The following VARS1 variants were observed in gnomAD, a reference collection of about 807,000 sequenced individuals.
VARS1 encodes valine--tRNA ligase.
In VARS1, 92 loss-of-function variants were observed where a neutral mutation model predicts 161.0. The ratio of observed to expected loss-of-function variants is 0.57; its 90% CI spans 0.48 to 0.68. The LOEUF is 0.68. Ranked by LOEUF, VARS1 falls within the 30% of genes least tolerant of loss-of-function variation. The pLI is 0.00. For missense variants in VARS1, 1,338 were observed against 1,695.9 expected, an observed-to-expected ratio of 0.79 and a Z score of 3.71; for synonymous variants, 595 against 682.5, an observed-to-expected ratio of 0.87 and a Z score of 2.00.
Position 31,792,541 on chromosome 6 carries a change from ACT to A in VARS1, c.662-27_662-26del, listed in dbSNP as rs1562313845. ...CCTAGAGAGAGGTGCAGAAATTCAG[ACT>A]CAGCCAGCTGGGGACCCTCTTGGAC... On this transcript the variant is annotated intron_variant, in intron 4 of 29. Coordinates refer to ENST00000375663, the MANE Select transcript of VARS1 (RefSeq NM_006295.3). The A allele has an allele frequency of 1.9e-6, 3 of 1,613,402 alleles. No individual in the cohort carries two copies. The South Asian group carries it at 3.3e-5, about 18-fold the overall frequency.
chr6:31,784,404 G>A lies in VARS1; in HGVS notation c.1566C>T (p.Val522=). Residue 522 remains valine (V), a synonymous_variant, in exon 12 of 30, where the codon GTC becomes GTT. Transcript: ENST00000375663. The surrounding 1 kb of genome is among the most constrained non-coding windows in gnomAD (Gnocchi z 6.1). ...GCCCCTGGCTCCTACCTGAGCCTTG[G>A]ACCTTATAGGCAAAGGACACGAGGA... is the stretch of plus-strand genomic sequence containing the variant. The part of the protein sequence containing the change: ...FGVLVSFAYK[V]QGSDSDEEVV... The A allele has an allele frequency of 6.2e-7, 1 of 1,614,134 alleles. No individual in the cohort carries two copies. The highest frequency in any genetic ancestry group is 8.5e-7 in the Non-Finnish European group (1 of 1,180,048).
At chr6:31,787,229 TAAAC>T (rs1418433027) in intron 8 of VARS1, among the ~76,000 whole-genome samples, 1 of 151,720 alleles carries the variant, frequency 6.6e-6, no homozygotes, top group Admixed American at 6.6e-5. Flanking sequence ...AATAAATAAA[TAAAC>T]AAATAAATAA....
intron 8 of VARS1, among the ~76,000 whole-genome samples, chr6:31,789,080 G>T (rs1209118731): frequency 6.6e-6 from 1 of 151,966 alleles, no homozygotes; most frequent in Admixed American, 6.6e-5. Context: ...TTGTCACCTA[G>T]AATATTACTT....
In VARS1 at chr6:31,782,142, T is replaced by C. The variant is rs1427623903; in HGVS notation, c.2186A>G (p.His729Arg). ...WCISRQLWWG[H>R]RIPAYFVTVS... ...AGTGACAAAGTAGGCTGGGATGCGATGGCCCCACCACAGCTGCCTGGAAAT... is the reference window on the plus strand; with the variant it reads ...AGTGACAAAGTAGGCTGGGATGCGACGGCCCCACCACAGCTGCCTGGAAAT... Residue 729 changes from histidine to arginine, a missense_variant, in exon 18 of 30, where the codon CAT (histidine) becomes CGT (arginine). By Grantham distance (29) the His-to-Arg change is conservative. Transcript: ENST00000375663. The surrounding 1 kb of genome is among the most constrained non-coding windows in gnomAD (Gnocchi z 8.3). 6.2e-7 allele frequency: 1 copy of C among 1,614,006 alleles called. No individual in the cohort carries two copies.
At chr6:31,793,368 T>C (rs576822516) in intron 2 of VARS1, among the ~76,000 whole-genome samples, 1 of 151,404 alleles carries the variant, frequency 6.6e-6, no homozygotes, top group East Asian at 1.9e-4. Flanking sequence ...TAGCCAGGCG[T>C]GGTGGCGGGC....
In VARS1 at chr6:31,781,291, T is replaced by G; in HGVS notation, c.2545-168A>C. Reference sequence around the variant, plus strand: ...TGTGAATCAGAAGCACTCCTTCCTCTGGGAAGATGAAGCCCTGGGCACAGG... The same window carrying G: ...TGTGAATCAGAAGCACTCCTTCCTCGGGGAAGATGAAGCCCTGGGCACAGG... On this transcript the variant is annotated intron_variant, in intron 21 of 29. Transcript: ENST00000375663. The surrounding 1 kb of genome is among the most constrained non-coding windows in gnomAD (Gnocchi z 6.8). 2 of 1,191,006 alleles carry G rather than the reference T, an allele frequency of 1.7e-6. No individual in the cohort carries two copies. Among genetic ancestry groups the G allele is most frequent in the Non-Finnish European group, 2.3e-6 (2 of 855,254 alleles). The allele number at this position is 1,191,006 out of a possible 1,614,324, so 73.8% of individuals were successfully genotyped here.
chr6:31,778,908 G>A lies in VARS1; in HGVS notation c.3726+59C>T. The A allele has an allele frequency of 7.5e-6, 12 of 1,607,372 alleles. No homozygotes were observed. Among genetic ancestry groups the A allele is most frequent in the Non-Finnish European group, 1.0e-5 (12 of 1,175,454 alleles). ...ACACCACTGCACTCGGACCAGCCCA[G>A]ACCAGGGTTTTGATGGAGGAAGGGG... On this transcript the variant is annotated intron_variant, in intron 29 of 29. Transcript: ENST00000375663. The surrounding 1 kb of genome is among the most constrained non-coding windows in gnomAD (Gnocchi z 5.1).
Position 31,778,337 on chromosome 6 carries a change from C to T in VARS1, c.3726+630G>A, listed in dbSNP as rs979436965. On this transcript the variant is annotated intron_variant, in intron 29 of 29. Transcript: ENST00000375663. This position sits in a 1 kb window ranked among gnomAD's most constrained non-coding sequence, Gnocchi z 5.1. Reference sequence around the variant, plus strand: ...GGATGCCTGGTTCTAGGTCAGCCTCCGTCTCCCACCTGTTGTGTGACCCTG... The same window carrying T: ...GGATGCCTGGTTCTAGGTCAGCCTCTGTCTCCCACCTGTTGTGTGACCCTG... Among the ~76,000 whole-genome samples the T allele has an allele frequency of 2.6e-5, 4 of 152,136 alleles. No individual in the cohort carries two copies. The highest frequency in any genetic ancestry group is 6.6e-5 in the Admixed American group (1 of 15,264).
chr6:31,782,523 C>G lies in VARS1; in HGVS notation c.1991+7G>C. The G allele has an allele frequency of 1.2e-6, 2 of 1,613,010 alleles. No homozygotes were observed. Among genetic ancestry groups the G allele is most frequent in the Non-Finnish European group, 1.7e-6 (2 of 1,180,028 alleles). On this transcript the variant is annotated splice_region_variant and intron_variant, in intron 16 of 29. Transcript: ENST00000375663. The surrounding 1 kb of genome is among the most constrained non-coding windows in gnomAD (Gnocchi z 8.3). ...ATCTTCCTCCCGTCCCAGGCCCCCA[C>G]CCTCACTTGCAAAGTGGCACCACCA...
Position 31,778,333 on chromosome 6 carries a change from C to T in VARS1, c.3726+634G>A, listed in dbSNP as rs970024410. Among the ~76,000 whole-genome samples the T allele has an allele frequency of 6.6e-6, 1 of 152,048 alleles. No homozygotes were observed. Among genetic ancestry groups the T allele is most frequent in the Non-Finnish European group, 1.5e-5 (1 of 68,014 alleles). On this transcript the variant is annotated intron_variant, in intron 29 of 29. Transcript: ENST00000375663. The surrounding 1 kb of genome is among the most constrained non-coding windows in gnomAD (Gnocchi z 5.1). ...GATAGGATGCCTGGTTCTAGGTCAG[C>T]CTCCGTCTCCCACCTGTTGTGTGAC...
chr6:31,784,800 C>T lies in VARS1; in HGVS notation c.1348-86G>A, dbSNP rs1813395484. On this transcript the variant is annotated intron_variant, in intron 10 of 29. Transcript: ENST00000375663. The surrounding 1 kb of genome is among the most constrained non-coding windows in gnomAD (Gnocchi z 6.1). ...ACCCAGGGCTCCAGTGAGGCCTTGC[C>T]CATACAGAGTCCCACTGGCCAGCAC... is the stretch of plus-strand genomic sequence containing the variant. 2 of 1,585,842 alleles carry T rather than the reference C, an allele frequency of 1.3e-6. No homozygotes were observed. Among genetic ancestry groups the T allele is most frequent in the African/African-American group, 1.3e-5 (1 of 74,304 alleles).
At position 31,783,108 on chromosome 6, in the gene VARS1, C is replaced by A. The variant is rs781440078; in HGVS notation, c.1750G>T (p.Asp584Tyr). 17 of 1,612,636 alleles carry A rather than the reference C, an allele frequency of 1.1e-5. No homozygotes were observed. Among genetic ancestry groups the A allele is most frequent in the East Asian group, 2.2e-5 (1 of 44,888 alleles). ...GCCCCTTGCCCACCTGTGCCAAAGT[C>A]CATGTCCACAAATTCATCGAAGACA... ...PIVFDEFVDM[D>Y]FGTGAVKITP... The change falls in exon 14 of 30, where the codon GAC (aspartate) becomes TAC (tyrosine). Residue 584 changes from aspartate to tyrosine, a missense_variant. Coordinates refer to ENST00000375663, the MANE Select transcript of VARS1 (RefSeq NM_006295.3).
Position 31,784,315 on chromosome 6 carries a change from T to A in VARS1, c.1577-7A>T, listed in dbSNP as rs748658161. 5 of 1,614,104 alleles carry A rather than the reference T, an allele frequency of 3.1e-6. No homozygotes were observed. Reference sequence around the variant, plus strand: ...ACCACCTCCTCGTCGCTATCTGGGGTGACAGAAGGCCTTGTGGTCTTGGCC... The same window carrying A: ...ACCACCTCCTCGTCGCTATCTGGGGAGACAGAAGGCCTTGTGGTCTTGGCC... On this transcript the variant is annotated splice_region_variant and splice_polypyrimidine_tract_variant and intron_variant, in intron 12 of 29. Coordinates refer to ENST00000375663, the MANE Select transcript of VARS1 (RefSeq NM_006295.3). This position sits in a 1 kb window ranked among gnomAD's most constrained non-coding sequence, Gnocchi z 6.1.
In VARS1 at chr6:31,795,083, G is replaced by C; in HGVS notation, c.135C>G (p.Pro45=). The change falls in exon 2 of 30, where the codon CCC becomes CCG. Residue 45 remains proline (P), a synonymous_variant. Coordinates refer to ENST00000375663, the MANE Select transcript of VARS1 (RefSeq NM_006295.3). The surrounding 1 kb of genome is among the most constrained non-coding windows in gnomAD (Gnocchi z 6.9). ...GAHPRICLQP[P]PTSRTPFPPP... is the part of the protein sequence containing the mutation. ...GGGGAAAGGGAGTCCTGCTAGTCGG[G>C]GGTGGCTGGAGACAGATGCGGGGGT... 1 of 1,506,506 alleles carries C rather than the reference G, an allele frequency of 6.6e-7. No individual in the cohort carries two copies. The highest frequency in any genetic ancestry group is 8.9e-7 in the Non-Finnish European group (1 of 1,124,330). 93.3% of individuals were successfully genotyped at this position (1,506,506 alleles called of 1,614,324 possible). A position where few individuals can be genotyped will look rare whatever the true frequency, so the allele number is the denominator to read the frequency against.
chr6:31,785,889 G>A lies in VARS1; in HGVS notation c.1101-156C>T, dbSNP rs976532573. ...GCCTGTAATCCCAGAACTTTGGGAG[G>A]CTGAGGTGGGTGGATCACCTCAGGT... On this transcript the variant is annotated intron_variant, in intron 8 of 29. Coordinates refer to ENST00000375663, the MANE Select transcript of VARS1 (RefSeq NM_006295.3). This position sits in a 1 kb window ranked among gnomAD's most constrained non-coding sequence, Gnocchi z 6.1. Among the ~76,000 whole-genome samples the A allele has an allele frequency of 6.6e-6, 1 of 152,238 alleles. No homozygotes were observed. Among genetic ancestry groups the A allele is most frequent in the Non-Finnish European group, 1.5e-5 (1 of 68,042 alleles).
rs972574643 is a variant in VARS1 at position 31,777,915 on chromosome 6, T to C, written c.3727-253A>G. On this transcript the variant is annotated intron_variant, in intron 29 of 29. Transcript: ENST00000375663. The surrounding 1 kb of genome is among the most constrained non-coding windows in gnomAD (Gnocchi z 5.8). Reference sequence around the variant, plus strand: ...ACAAAGGAACCTCAGAGCCTACGTGTTCCCCATTCAGTGTCCCCACCTAAG... The same window carrying C: ...ACAAAGGAACCTCAGAGCCTACGTGCTCCCCATTCAGTGTCCCCACCTAAG... 61 of 584,064 alleles carry C rather than the reference T, an allele frequency of 1.0e-4. No individual in the cohort carries two copies. Among genetic ancestry groups the C allele is most frequent in the Middle Eastern group, 4.5e-4 (1 of 2,228 alleles). 36.2% of individuals were successfully genotyped at this position (584,064 alleles called of 1,614,324 possible).
Position 31,779,247 on chromosome 6 carries a change from G to T in VARS1, c.3446C>A (p.Ala1149Glu). 6.2e-7 allele frequency: 1 copy of T among 1,605,074 alleles called. No individual in the cohort carries two copies. Among genetic ancestry groups the T allele is most frequent in the South Asian group, 1.1e-5 (1 of 90,964 alleles). The change falls in exon 29 of 30, where the codon GCG (alanine) becomes GAG (glutamate). Residue 1149 changes from alanine to glutamate, a missense_variant. Ala to Glu is a moderately radical substitution (Grantham distance 107, BLOSUM62 -1). Around this residue, in one of 3 missense-constraint regions of VARS1, gnomAD observed 433 missense variants for 586.2 expected, o/e 0.74. Transcript: ENST00000375663. The surrounding 1 kb of genome is among the most constrained non-coding windows in gnomAD (Gnocchi z 9.1). ...CAGGGCCTGCACGTAGCCCGACACC[G>T]CCGATGCCAGGGCGCCCGTGGCCTC... ...ADEATGALAS[A>E]VSGYVQALAS...
chr6:31,788,961 C>G (rs1813698469), intron 8 of VARS1, among the ~76,000 whole-genome samples: 1 of 151,876 alleles, frequency 6.6e-6, no homozygotes, highest in Non-Finnish European at 1.5e-5. Flanking sequence ...ATTTTTTGAC[C>G]ACATTAATTT....
rs1428256317 is a variant in VARS1 at position 31,791,266 on chromosome 6, C to A, written c.1100+344G>T. 6.6e-6 allele frequency among the ~76,000 whole-genome samples: 1 copy of A among 151,992 alleles called. No homozygotes were observed. The highest frequency in any genetic ancestry group is 2.4e-5 in the African/African-American group (1 of 41,360). ...GTGCCTCACACCTATAATCCCAGCA[C>A]TCTGGGAGTCTGAGACAGGAGAATC... On this transcript the variant is annotated intron_variant, in intron 8 of 29. Coordinates refer to ENST00000375663, the MANE Select transcript of VARS1 (RefSeq NM_006295.3). This position sits in a 1 kb window ranked among gnomAD's most constrained non-coding sequence, Gnocchi z 5.0.
Sources: gnomAD v4.1 joint callset for allele counts (sites outside exome capture counted in the v4.1 genomes callset) on GRCh38, gnomAD v4.1.1 for gene constraint, gnomAD v4.1.1 regional missense constraint, Gnocchi (gnomAD v3.1) non-coding constraint, MANE v1.5 for transcripts, NCBI Gene and HGNC (gene_info 2026-07-23, HGNC 2026-07-21) for gene names.